Variants in PTPRD observed in about 807,000 individuals in gnomAD.
The protein encoded by PTPRD is protein tyrosine phosphatase receptor type D.
PTPRD carries 34 observed loss-of-function variants against 214.5 expected under a neutral mutation model. The observed-to-expected ratio is 0.16, with a 90% confidence interval of 0.12 to 0.21. The LOEUF (loss-of-function observed/expected upper bound fraction) is 0.21, where lower values mean the gene tolerates loss of function less well. PTPRD is among the 10% of genes least tolerant of loss of function. PTPRD has a pLI of 1.00. For synonymous variants in PTPRD, 1,128 were observed against 845.7 expected (o/e 1.33, Z -5.79); for missense variants, 2,545 against 2,398.7 (o/e 1.06, Z -1.27).
intron 9 of PTPRD, among the ~76,000 whole-genome samples, chr9:9,254,773 C>T (rs1279247760): frequency 6.6e-6 from 1 of 151,974 alleles, no homozygotes; most frequent in Admixed American, 6.6e-5. Flanking sequence ...TTTTAAAACC[C>T]TGCGCCCTCA....
intron 3 of PTPRD, among the ~76,000 whole-genome samples, chr9:10,132,059 A>AT (rs1376886658): frequency 2.0e-5 from 3 of 152,176 alleles, no homozygotes; most frequent in African/African-American, 7.2e-5. Context: ...TATAGAGTAA[A>AT]TAAAAAATAT....
At chr9:8,692,565 C>T (rs1415683817) in intron 12 of PTPRD, among the ~76,000 whole-genome samples, 1 of 152,162 alleles carries the variant, frequency 6.6e-6, no homozygotes, top group African/African-American at 2.4e-5. Flanking sequence ...CACTAGCAAT[C>T]TCTACCATAG....
chr9:10,355,009 A>G (rs755648687), intron 2 of PTPRD, among the ~76,000 whole-genome samples: 4 of 152,202 alleles, frequency 2.6e-5, no homozygotes, highest in Non-Finnish European at 4.4e-5. Context: ...AGGCTTATAA[A>G]TGTATTATTT....
At chr9:9,777,846 A>G (rs945450128) in intron 5 of PTPRD, among the ~76,000 whole-genome samples, 8 of 152,252 alleles carry the variant, frequency 5.3e-5, no homozygotes, top group African/African-American at 1.9e-4. Flanking sequence ...AGAGAATTAG[A>G]GTACCATCAG....
At chr9:9,247,696 G>C (rs939702518) in intron 9 of PTPRD, among the ~76,000 whole-genome samples, 1 of 152,028 alleles carries the variant, frequency 6.6e-6, no homozygotes, top group Admixed American at 6.6e-5. Context: ...CTCCAGCAGG[G>C]AGTCACCTCT....
At chr9:8,319,443 C>A (rs1825110577) in intron 45 of PTPRD, among the ~76,000 whole-genome samples, 1 of 151,774 alleles carries the variant, frequency 6.6e-6, no homozygotes, top group Admixed American at 6.6e-5. Context: ...TGTAGGCATA[C>A]AGAGGGAGAA....
At chr9:10,533,911 GT>G (rs1194012494) in intron 2 of PTPRD, among the ~76,000 whole-genome samples, 1 of 151,052 alleles carries the variant, frequency 6.6e-6, no homozygotes, top group Non-Finnish European at 1.5e-5. Context: ...TTATTAGGAA[GT>G]TTTTTTTAAT....
chr9:10,512,012 GTGTGTGTATATATATATGTA>G (rs2048387635), intron 2 of PTPRD, among the ~76,000 whole-genome samples: 2 of 53,208 alleles, frequency 3.8e-5, no homozygotes, highest in Non-Finnish European at 6.6e-5. Flanking sequence ...ATATATATAC[GTGTGTGTATATATATATGTA>G]TATATATATA....
chr9:10,125,191 G>A (rs994617100), intron 3 of PTPRD, among the ~76,000 whole-genome samples: 5 of 151,604 alleles, frequency 3.3e-5, no homozygotes, highest in Non-Finnish European at 7.4e-5. Flanking sequence ...CTCTGTGCAA[G>A]ACAATATAAT....
intron 9 of PTPRD, among the ~76,000 whole-genome samples, chr9:9,236,736 G>A (rs545956007): frequency 2.0e-5 from 3 of 151,724 alleles, no homozygotes; most frequent in Admixed American, 6.6e-5. Context: ...CGTCTATTGG[G>A]GCATTTTGAT....
At chr9:8,478,808 G>T (rs1455358933) in intron 30 of PTPRD, among the ~76,000 whole-genome samples, 1 of 152,216 alleles carries the variant, frequency 6.6e-6, no homozygotes, top group Non-Finnish European at 1.5e-5. Flanking sequence ...AAAGTAAAGA[G>T]ATATTAAATT....
At chr9:9,089,482 G>A (rs960842337) in intron 10 of PTPRD, among the ~76,000 whole-genome samples, 3 of 152,116 alleles carry the variant, frequency 2.0e-5, no homozygotes, top group Non-Finnish European at 4.4e-5. Flanking sequence ...TCTGACCAAA[G>A]TTTTTCATTC....
intron 7 of PTPRD, among the ~76,000 whole-genome samples, chr9:9,684,587 G>A (rs1595156156): frequency 1.3e-5 from 2 of 151,564 alleles, no homozygotes; most frequent in African/African-American, 2.4e-5. Context: ...GAGTGGGTAG[G>A]CAGGAACTTC....
At chr9:8,601,428 G>C (rs1403147657) in intron 14 of PTPRD, among the ~76,000 whole-genome samples, 2 of 152,138 alleles carry the variant, frequency 1.3e-5, no homozygotes, top group African/African-American at 4.8e-5. Context: ...GCAGGCCTTG[G>C]GCAAGACTCA....
chr9:8,618,176 A>C (rs2095674054), intron 14 of PTPRD, among the ~76,000 whole-genome samples: 1 of 152,100 alleles, frequency 6.6e-6, no homozygotes. Context: ...GCTTCCACCA[A>C]CTGCTGTTTA....
chr9:10,612,703 C>G lies in PTPRD; in HGVS notation c.-723G>C, dbSNP rs960961504. On this transcript the variant is annotated 5_prime_UTR_variant, in exon 1 of 46. Transcript: ENST00000381196. ...GGCAAAGTACCTGCACTCTCCCCGC[C>G]GAGGCTGGCTGGCGGCGCCGCGCCG... 6.6e-6 allele frequency: 1 copy of G among 152,474 alleles called. No homozygotes were observed. Among genetic ancestry groups the G allele is most frequent in the East Asian group, 1.9e-4 (1 of 5,176 alleles). 9.4% of individuals were successfully genotyped at this position (152,474 alleles called of 1,614,324 possible). A position where few individuals can be genotyped will look rare whatever the true frequency, so the allele number is the denominator to read the frequency against.
chr9:10,487,966 G>GTCTCTCTCTCTCTCTCTC lies in PTPRD; in HGVS notation c.-600+124414_-600+124431dup, dbSNP rs56372955. 4.3e-3 allele frequency among the ~76,000 whole-genome samples: 473 copies of GTCTCTCTCTCTCTCTCTC among 110,290 alleles called. 41 individuals carry two copies. Among genetic ancestry groups the GTCTCTCTCTCTCTCTCTC allele is most frequent in the African/African-American group, 0.013 (342 of 25,918 alleles). 72.4% of individuals were successfully genotyped at this position (110,290 alleles called of 152,430 possible). A position where few individuals can be genotyped will look rare whatever the true frequency, so the allele number is the denominator to read the frequency against. ...CCTTAATTTCTCCCAAATGAACACAGTCTCTCTCTCTCTCTCTCTCTCTCT... is the reference window on the plus strand; with the variant it reads ...CCTTAATTTCTCCCAAATGAACACAGTCTCTCTCTCTCTCTCTCTCTCTCTCTCTCTCTCTCTCTCTCT... On this transcript the variant is annotated intron_variant, in intron 2 of 45. Coordinates refer to ENST00000381196, the MANE Select transcript of PTPRD (RefSeq NM_002839.4).
intron 14 of PTPRD, among the ~76,000 whole-genome samples, chr9:8,529,427 G>A (rs757186211): frequency 6.6e-6 from 1 of 152,106 alleles, no homozygotes; most frequent in South Asian, 2.1e-4. Context: ...TGAAAAAGAA[G>A]AGCAAAAGCA....
At chr9:9,480,747 T>C (rs773463358) in intron 8 of PTPRD, among the ~76,000 whole-genome samples, 67 of 152,234 alleles carry the variant, frequency 4.4e-4, no homozygotes, top group Admixed American at 9.2e-4. Flanking sequence ...TGCAATAGTC[T>C]TGATAAAAAT....
Sources: gnomAD v4.1 joint callset for allele counts (sites outside exome capture counted in the v4.1 genomes callset) on GRCh38, gnomAD v4.1.1 for gene constraint, MANE v1.5 for transcripts, NCBI Gene and HGNC (gene_info 2026-07-23, HGNC 2026-07-21) for gene names.